CFAP74: variants seen among roughly 807,000 people sequenced by gnomAD.
CFAP74 encodes cilia- and flagella-associated protein 74.
A neutral mutation model predicts 188.9 loss-of-function variants in CFAP74; 124 were observed. That is an observed-to-expected ratio of 0.66 (90% CI 0.57 to 0.76). The LOEUF (loss-of-function observed/expected upper bound fraction) is 0.76, where lower values mean the gene tolerates loss of function less well. Among genes scored for constraint, CFAP74 ranks in the 30% least tolerant of loss-of-function variants. The pLI, the probability that CFAP74 is intolerant of heterozygous loss-of-function variation, is 0.00. For missense variants in CFAP74, 2,198 were observed against 2,165.2 expected (o/e 1.02, Z -0.30); for synonymous variants, 956 against 916.7 (o/e 1.04, Z -0.77).
intron 22 of CFAP74, among the ~76,000 whole-genome samples, chr1:1,941,115 AAAAGAAAG>A (rs531512153): frequency 3.9e-5 from 6 of 152,060 alleles, no homozygotes; most frequent in African/African-American, 1.5e-4. Context: ...TCTGTCTCAA[AAAAGAAAG>A]AAAGAAAGAA....
At chr1:1,961,472 G>A (rs1655086289) in intron 14 of CFAP74, among the ~76,000 whole-genome samples, 1 of 152,172 alleles carries the variant, frequency 6.6e-6, no homozygotes, top group Non-Finnish European at 1.5e-5. Flanking sequence ...GAGGGCAGGA[G>A]AGTGGTGGCC....
Position 1,968,775 on chromosome 1 carries a change from C to G in CFAP74, c.1105G>C (p.Glu369Gln). 1 of 1,614,142 alleles carries G rather than the reference C, an allele frequency of 6.2e-7. No homozygotes were observed. Among genetic ancestry groups the G allele is most frequent in the South Asian group, 1.1e-5 (1 of 91,084 alleles). Residue 369 changes from glutamate (E) to glutamine (Q), a missense_variant, in exon 11 of 39, where the codon GAG becomes CAG. By Grantham distance (29) the Glu-to-Gln change is conservative. Coordinates refer to ENST00000682832, the MANE Select transcript of CFAP74 (RefSeq NM_001304360.2). This position sits in a 1 kb window ranked among gnomAD's most constrained non-coding sequence, Gnocchi z 4.3. Reference protein sequence around the residue: ...KQEIISRILKEEAEEEKRKKQ... With the variant: ...KQEIISRILKQEAEEEKRKKQ... The stretch of plus-strand genomic sequence containing the variant: ...TTCCTCTTTTCCTCCTCAGCCTCCT[C>G]TTTCAGAATCCGACTGATGATCTCC...
rs865814848 is a variant in CFAP74 at position 1,926,987 on chromosome 1, G to T, written c.3569C>A (p.Ala1190Glu). ...AAATGTGTCAAACTTCGCCTGGAAC[G>T]CTCTGAGCAGGGTGGCTCGGGCGGC... ...YQAARATLLRAFQAKFDTFVV... is the reference protein window; with the variant it reads ...YQAARATLLREFQAKFDTFVV... The change falls in exon 29 of 39, where the codon GCG becomes GAG. Residue 1190 changes from alanine to glutamate, a missense_variant. Ala to Glu is a moderately radical substitution (Grantham distance 107, BLOSUM62 -1). Coordinates refer to ENST00000682832, the MANE Select transcript of CFAP74 (RefSeq NM_001304360.2). The T allele has an allele frequency of 4.5e-6, 7 of 1,550,262 alleles. No homozygotes were observed. The highest frequency in any genetic ancestry group is 6.1e-6 in the Non-Finnish European group (7 of 1,146,878).
intron 25 of CFAP74, among the ~76,000 whole-genome samples, chr1:1,933,330 G>A (rs112585340): frequency 6.6e-6 from 1 of 151,666 alleles, no homozygotes; most frequent in African/African-American, 2.4e-5. Flanking sequence ...CAGGTGTGCA[G>A]CACCTTACCT....
chr1:1,986,778 G>A (rs1239038262), intron 5 of CFAP74, among the ~76,000 whole-genome samples, 159 bp downstream of exon 5: 1 of 152,216 alleles, frequency 6.6e-6, no homozygotes, highest in East Asian at 1.9e-4. Context: ...CAGCAGTGCC[G>A]ACCTCACATG....
chr1:1,940,974 G>A (rs957057825), intron 22 of CFAP74, among the ~76,000 whole-genome samples: 2 of 152,154 alleles, frequency 1.3e-5, no homozygotes, highest in Non-Finnish European at 1.5e-5. Flanking sequence ...TTAGCCGGGC[G>A]TGGTGGCGGG....
intron 6 of CFAP74, among the ~76,000 whole-genome samples, chr1:1,974,509 A>G (rs1312150377): frequency 1.3e-5 from 2 of 152,172 alleles, no homozygotes; most frequent in Non-Finnish European, 2.9e-5. Flanking sequence ...GGCCCTGCCC[A>G]GCCTGAGGAA....
intron 1 of CFAP74, among the ~76,000 whole-genome samples, chr1:1,991,877 A>C (rs1657597144): frequency 6.6e-6 from 1 of 151,622 alleles, no homozygotes; most frequent in African/African-American, 2.4e-5. Context: ...ATCTCTACTA[A>C]AAAACAGAAA....
At chr1:1,931,791 G>C (rs1440097636) in intron 25 of CFAP74, among the ~76,000 whole-genome samples, 1 of 147,354 alleles carries the variant, frequency 6.8e-6, no homozygotes, top group Non-Finnish European at 1.5e-5. Flanking sequence ...GGCTGGGCGC[G>C]GTGACTCACG....
chr1:1,992,519 G>A (rs1226772210), intron 1 of CFAP74, among the ~76,000 whole-genome samples: 1 of 151,312 alleles, frequency 6.6e-6, no homozygotes, highest in Non-Finnish European at 1.5e-5. Context: ...AGTCTCCCAG[G>A]CTGGAGTGCA....
At chr1:1,987,903 C>T (rs892908205) in intron 4 of CFAP74, 48 of 334,496 alleles carry the variant, frequency 1.4e-4, no homozygotes, top group African/African-American at 1.1e-4. Context: ...GTAGTTTCCC[C>T]GGGTGAAGTA....
chr1:1,948,107 G>GAT (rs1394201589), intron 18 of CFAP74, among the ~76,000 whole-genome samples: 1 of 152,082 alleles, frequency 6.6e-6, no homozygotes, highest in African/African-American at 2.4e-5. Context: ...TCCTGACCTT[G>GAT]TGATCTGCCC....
intron 14 of CFAP74, 123 bp from the exon 15 acceptor site, chr1:1,960,153 T>G: frequency 1.3e-6 from 1 of 786,692 alleles, no homozygotes; most frequent in Non-Finnish European, 2.0e-6. Context: ...CCTGGCCCCC[T>G]GCCCAGCCGC....
In CFAP74 at chr1:1,966,649, C is replaced by T; in HGVS notation, c.1246-123G>A. The T allele has an allele frequency of 2.4e-6, 2 of 821,824 alleles. 1 individual carries two copies. The highest frequency in any genetic ancestry group is 3.4e-6 in the Non-Finnish European group (2 of 587,588). The allele number at this position is 821,824 out of a possible 1,614,324, so 50.9% of individuals were successfully genotyped here. A position where few individuals can be genotyped will look rare whatever the true frequency, so the allele number is the denominator to read the frequency against. On this transcript the variant is annotated intron_variant, in intron 11 of 38. Coordinates refer to ENST00000682832, the MANE Select transcript of CFAP74 (RefSeq NM_001304360.2). ...CCCCCGTTCTTCTGCCTCACGTACT[C>T]TGCATGGAGATAGCGGTGCACACGG... is the stretch of plus-strand genomic sequence containing the variant.
At chr1:2,003,172 C>T (rs1658286567) in intron 1 of CFAP74, among the ~76,000 whole-genome samples, 1 of 152,112 alleles carries the variant, frequency 6.6e-6, no homozygotes, top group African/African-American at 2.4e-5. Context: ...CATTTATGCA[C>T]CATCGTTATG....
intron 3 of CFAP74, 97 bp from the exon 4 acceptor site, chr1:1,988,752 C>T (rs1657393394): frequency 6.7e-7 from 1 of 1,500,438 alleles, no homozygotes; most frequent in Non-Finnish European, 9.1e-7. Context: ...GACAGTTCTG[C>T]TTCAGGGCGG....
chr1:1,942,309 A>G lies in CFAP74; in HGVS notation c.2487-153T>C, dbSNP rs1198731099. 6.6e-6 allele frequency among the ~76,000 whole-genome samples: 1 copy of G among 152,116 alleles called. No individual in the cohort carries two copies. Among genetic ancestry groups the G allele is most frequent in the East Asian group, 1.9e-4 (1 of 5,188 alleles). On this transcript the variant is annotated intron_variant, in intron 21 of 38. Transcript: ENST00000682832. The surrounding 1 kb of genome is among the most constrained non-coding windows in gnomAD (Gnocchi z 4.3). ...CAAGCCATGCACGTGCACCTCGACA[A>G]TCGGAGTCCTCAAAGCCCTGCTTTG...
chr1:1,958,259 T>C (rs1397801266), intron 16 of CFAP74, among the ~76,000 whole-genome samples: 2 of 152,236 alleles, frequency 1.3e-5, no homozygotes, highest in South Asian at 2.1e-4. Context: ...CCTCTGCCCT[T>C]CGCCTGCCCC....
At chr1:1,936,918 AAAAATT>A (rs552179620) in intron 25 of CFAP74, among the ~76,000 whole-genome samples, 3 of 152,100 alleles carry the variant, frequency 2.0e-5, no homozygotes, top group Non-Finnish European at 4.4e-5. Context: ...AAAAAAAAAA[AAAAATT>A]AAAATGTAAA....
Sources: allele counts gnomAD v4.1 joint callset (sites outside exome capture counted in the v4.1 genomes callset), GRCh38; gene constraint gnomAD v4.1.1; non-coding constraint Gnocchi (gnomAD v3.1); transcripts MANE v1.5; gene names NCBI Gene and HGNC (gene_info 2026-07-23, HGNC 2026-07-21).